TNNI3K: variants seen among roughly 807,000 people sequenced by gnomAD.
The protein encoded by TNNI3K is serine/threonine-protein kinase TNNI3K.
Under a neutral mutation model 114.5 loss-of-function variants are expected in TNNI3K, and 140 were observed. That is an observed-to-expected ratio of 1.22 (90% confidence interval 1.07 to 1.41). The LOEUF is 1.41. Ranked by LOEUF, TNNI3K falls within the 40% of genes most tolerant of loss-of-function variation. The probability of loss-of-function intolerance (pLI) is 0.00; values close to 1 mark genes in which losing one functional copy is unlikely to be tolerated. For missense variants in TNNI3K, 1,125 were observed against 1,007.6 expected (o/e 1.12, Z -1.58); for synonymous variants, 347 against 347.5 (o/e 1.00, Z 0.02).
intron 21 of TNNI3K, among the ~76,000 whole-genome samples, chr1:74,465,149 G>C (rs747039320): frequency 6.6e-6 from 1 of 152,180 alleles, no homozygotes; most frequent in African/African-American, 2.4e-5. Flanking sequence ...CACTCTCGGG[G>C]CCTCCTTGGC....
chr1:74,302,187 G>T (rs946309586), intron 5 of TNNI3K, among the ~76,000 whole-genome samples: 6 of 152,160 alleles, frequency 3.9e-5, no homozygotes, highest in African/African-American at 1.4e-4. Context: ...GTGATGTGTT[G>T]CAATTGTTTT....
intron 17 of TNNI3K, among the ~76,000 whole-genome samples, chr1:74,405,616 C>G (rs966312967): frequency 1.3e-5 from 2 of 151,998 alleles, no homozygotes; most frequent in African/African-American, 4.8e-5. Context: ...ATCTCACTGT[C>G]TTTATGACAG....
At chr1:74,312,795 C>T (rs1033393186) in intron 5 of TNNI3K, among the ~76,000 whole-genome samples, 5 of 152,108 alleles carry the variant, frequency 3.3e-5, no homozygotes, top group Admixed American at 1.3e-4. Context: ...TTAAAAATTC[C>T]GCATAGGAGA....
intron 17 of TNNI3K, among the ~76,000 whole-genome samples, chr1:74,399,156 TAAAAAAAAAAA>T (rs1234711047): frequency 1.3e-5 from 1 of 76,834 alleles, no homozygotes; most frequent in African/African-American, 4.8e-5. Context: ...CAAAACCCAT[TAAAAAAAAAAA>T]AAAAAAAAAA....
intron 23 of TNNI3K, among the ~76,000 whole-genome samples, chr1:74,499,348 G>A (rs1201086613): frequency 1.3e-5 from 2 of 152,218 alleles, no homozygotes; most frequent in East Asian, 1.9e-4. Flanking sequence ...GTTTTACTAT[G>A]TTGCCCAGGC....
rs779098224 is a variant in TNNI3K, at chr1:74,271,644, T to C, written c.380T>C (p.Ile127Thr). Residue 127 changes from isoleucine to threonine, a missense_variant, in exon 5 of 25, where the codon ATA becomes ACA. Transcript: ENST00000326637. ...ITSLLHSGAD[I>T]QQVGYGGLTA... Reference sequence around the variant, plus strand: ...TCTCTGCTTCACAGTGGAGCTGATATACAGCAGGTTGGATACGGTGGCCTC... The same window carrying C: ...TCTCTGCTTCACAGTGGAGCTGATACACAGCAGGTTGGATACGGTGGCCTC... 4.5e-5 allele frequency: 72 copies of C among 1,609,482 alleles called. No individual in the cohort carries two copies. Among genetic ancestry groups the C allele is most frequent in the Non-Finnish European group, 5.7e-5 (67 of 1,177,388 alleles).
chr1:74,484,750 C>T (rs548541147), intron 21 of TNNI3K, among the ~76,000 whole-genome samples: 2 of 152,026 alleles, frequency 1.3e-5, no homozygotes, highest in East Asian at 3.9e-4. Context: ...TTGTTGTATA[C>T]CTTAGAGATG....
At chr1:74,529,121 G>A (rs1317773542) in intron 23 of TNNI3K, among the ~76,000 whole-genome samples, 1 of 152,126 alleles carries the variant, frequency 6.6e-6, no homozygotes, top group Non-Finnish European at 1.5e-5. Flanking sequence ...ATTTGGCTGA[G>A]ATGCAGAATA....
chr1:74,267,081 A>G (rs1351498528), intron 4 of TNNI3K, among the ~76,000 whole-genome samples: 3 of 152,000 alleles, frequency 2.0e-5, no homozygotes, highest in African/African-American at 4.8e-5. Context: ...TAGAGAGTGC[A>G]TAAAGGAAAC....
At chr1:74,407,162 C>A (rs1333726748) in intron 17 of TNNI3K, among the ~76,000 whole-genome samples, 2 of 152,190 alleles carry the variant, frequency 1.3e-5, no homozygotes, top group Non-Finnish European at 2.9e-5. Context: ...TTTTTGCTAT[C>A]TCCTCTGCAC....
At chr1:74,288,343 A>G (rs2100277712) in intron 5 of TNNI3K, among the ~76,000 whole-genome samples, 1 of 152,264 alleles carries the variant, frequency 6.6e-6, no homozygotes, top group South Asian at 2.1e-4. Flanking sequence ...ATGTGAAATC[A>G]ACCAATCAAC....
At chr1:74,348,910 G>A (rs55974904) in intron 9 of TNNI3K, among the ~76,000 whole-genome samples, 3,205 of 152,180 alleles carry the variant, frequency 0.021, 44 homozygotes, top group Non-Finnish European at 0.033. Context: ...AGACTATGGC[G>A]TTTTCTAGAT....
chr1:74,302,521 G>A (rs1658388152), intron 5 of TNNI3K, among the ~76,000 whole-genome samples: 1 of 152,164 alleles, frequency 6.6e-6, no homozygotes, highest in Non-Finnish European at 1.5e-5. Context: ...GAATGCAAAG[G>A]AAAAATTCTT....
intron 4 of TNNI3K, among the ~76,000 whole-genome samples, chr1:74,256,395 G>C (rs1655311381): frequency 7.2e-6 from 1 of 139,748 alleles, no homozygotes; most frequent in African/African-American, 2.6e-5. Flanking sequence ...AGGTTGAATA[G>C]GTTTTTATGT....
chr1:74,304,831 G>A (rs536919464), intron 5 of TNNI3K, among the ~76,000 whole-genome samples: 29 of 152,178 alleles, frequency 1.9e-4, no homozygotes, highest in African/African-American at 6.7e-4. Flanking sequence ...AATAATGTAA[G>A]CATAACTATT....
chr1:74,274,490 A>C (rs1027706354), intron 5 of TNNI3K, among the ~76,000 whole-genome samples: 2 of 152,082 alleles, frequency 1.3e-5, no homozygotes, highest in African/African-American at 4.8e-5. Flanking sequence ...TACTTTGTCT[A>C]TAAATGGTTA....
In TNNI3K at chr1:74,499,608, G is replaced by A. The variant is rs781152929; in HGVS notation, c.2351+7342G>A. 5.3e-4 allele frequency among the ~76,000 whole-genome samples: 81 copies of A among 152,032 alleles called. 1 individual carries two copies. Among genetic ancestry groups the A allele is most frequent in the Non-Finnish European group, 1.8e-4 (12 of 68,008 alleles). The stretch of plus-strand genomic sequence containing the variant: ...ATCTCCAGTTTCAGGCATCCACTGG[G>A]GGTCTTGGAATATATCCCTGGTAGA... On this transcript the variant is annotated intron_variant, in intron 23 of 24. Transcript: ENST00000326637.
At chr1:74,409,753 C>G (rs1373972477) in intron 17 of TNNI3K, among the ~76,000 whole-genome samples, 2 of 152,128 alleles carry the variant, frequency 1.3e-5, no homozygotes, top group Non-Finnish European at 2.9e-5. Context: ...CTTGGCCACC[C>G]AAAGTGCAGG....
intron 5 of TNNI3K, among the ~76,000 whole-genome samples, chr1:74,328,146 A>G (rs1660012662): frequency 6.6e-6 from 1 of 152,158 alleles, no homozygotes; most frequent in Non-Finnish European, 1.5e-5. Flanking sequence ...GCCTGGTGGC[A>G]TATATACCTT....
Sources: gnomAD v4.1 joint callset for allele counts (sites outside exome capture counted in the v4.1 genomes callset) on GRCh38, gnomAD v4.1.1 for gene constraint, MANE v1.5 for transcripts, NCBI Gene and HGNC (gene_info 2026-07-23, HGNC 2026-07-21) for gene names.